Variants in RNF17 observed in about 807,000 individuals in gnomAD.
The protein encoded by RNF17 is spermatogenesis associated 23.
In RNF17, 31 loss-of-function variants were observed where a neutral mutation model predicts 200.5. The observed-to-expected ratio is 0.15, with a 90% confidence interval of 0.12 to 0.21. RNF17 has a LOEUF of 0.21. RNF17 is among the 10% of genes least tolerant of loss of function. RNF17 has a pLI of 1.00. For synonymous variants in RNF17, 606 were observed against 637.8 expected (o/e 0.95, Z 0.75); for missense variants, 1,628 against 1,905.1 (o/e 0.85, Z 2.71).
rs142986236 is a variant in RNF17 at position 24,779,568 on chromosome 13, C to G, written c.430-99C>G. ...TAGTGAGTCTATGTTGCTTTTGTAA[C>G]CAAAACGGTAGCCTGAATTTTTTGC... On this transcript the variant is annotated intron_variant, in intron 4 of 35. Transcript: ENST00000255324. 1.2e-3 allele frequency: 986 copies of G among 855,152 alleles called. 15 individuals are homozygous for G. The East Asian group carries it at 0.02, about 17-fold the overall frequency. The allele number at this position is 855,152 out of a possible 1,614,324, so 53.0% of individuals were successfully genotyped here.
intron 15 of RNF17, among the ~76,000 whole-genome samples, chr13:24,820,966 T>G (rs1887990321): frequency 6.6e-6 from 1 of 152,206 alleles, no homozygotes; most frequent in Admixed American, 6.5e-5. Context: ...ATTGGGCAGC[T>G]TAAACAACAG....
At chr13:24,885,280 C>G in the RNF17 span, 1 of 1,584,028 alleles carries the variant, frequency 6.3e-7, no homozygotes, top group Non-Finnish European at 8.7e-7. Flanking sequence ...TTTAACCTTT[C>G]CATCAGGATG....
At chr13:24,852,287 C>T (rs1394716635) in intron 24 of RNF17, among the ~76,000 whole-genome samples, 5 of 152,024 alleles carry the variant, frequency 3.3e-5, no homozygotes, top group Middle Eastern at 6.8e-3. Flanking sequence ...TACAGGTGGC[C>T]GCCACCTCGC....
At chr13:24,762,981 G>T (rs1395234049), upstream of RNF17, among the ~76,000 whole-genome samples, 1 of 152,126 alleles carries the variant, frequency 6.6e-6, no homozygotes, top group Non-Finnish European at 1.5e-5. Flanking sequence ...AGAAGTCACT[G>T]TGTCTTCCAT....
the RNF17 span, among the ~76,000 whole-genome samples, chr13:24,748,467 A>G: frequency 1.1e-3 from 165 of 152,350 alleles, no homozygotes; most frequent in Non-Finnish European, 2.0e-3. Context: ...GTTCAAGACA[A>G]AAACAACAAA....
In RNF17 at chr13:24,776,943, T is replaced by A. The variant is rs559522104; in HGVS notation, c.318-1352T>A. ...ATATATGTATAATGTCTGTTAGAGT[T>A]GCAAAGTGAAATTTTACTTTCAGAG... On this transcript the variant is annotated intron_variant, in intron 3 of 35. Transcript: ENST00000255324. Among the ~76,000 whole-genome samples the A allele has an allele frequency of 3.3e-5, 5 of 152,322 alleles. No individual in the cohort carries two copies. The East Asian group carries it at 9.6e-4, about 29-fold the overall frequency.
At chr13:24,817,159 GT>G (rs1399490920) in intron 15 of RNF17, among the ~76,000 whole-genome samples, 5 of 152,034 alleles carry the variant, frequency 3.3e-5, no homozygotes, top group Non-Finnish European at 7.4e-5. Flanking sequence ...CCATCTTTTT[GT>G]TTTTTGGAAG....
chr13:24,812,971 C>T lies in RNF17; in HGVS notation c.2091+8542C>T, dbSNP rs139375751. On this transcript the variant is annotated intron_variant, in intron 15 of 35. Coordinates refer to ENST00000255324, the MANE Select transcript of RNF17 (RefSeq NM_031277.3). Reference sequence around the variant, plus strand: ...TGCTGGGATTACAGGCGTGAGCCACCGCGCCCGGCCAATAGCATTCTTAAT... The same window carrying T: ...TGCTGGGATTACAGGCGTGAGCCACTGCGCCCGGCCAATAGCATTCTTAAT... Among the ~76,000 whole-genome samples, 8 of 152,078 alleles carry T rather than the reference C, an allele frequency of 5.3e-5. No individual in the cohort carries two copies. The South Asian group carries it at 1.2e-3, about 24-fold the overall frequency.
chr13:24,847,725 C>A (rs1891417068), intron 22 of RNF17, among the ~76,000 whole-genome samples: 1 of 152,042 alleles, frequency 6.6e-6, no homozygotes, highest in Non-Finnish European at 1.5e-5. Flanking sequence ...TGATAGGATA[C>A]CTTCTTCTTA....
chr13:24,885,486 T>C, the RNF17 span: 7 of 1,182,162 alleles, frequency 5.9e-6, no homozygotes, highest in Non-Finnish European at 7.6e-6. Flanking sequence ...AAATATAACA[T>C]TTATAATGTT....
chr13:24,810,871 G>T (rs1350111471), intron 15 of RNF17, among the ~76,000 whole-genome samples: 20 of 147,834 alleles, frequency 1.4e-4, no homozygotes, highest in Middle Eastern at 3.5e-3. Context: ...TGCTTGTCTG[G>T]AAAGTATTTT....
intron 17 of RNF17, 61 bp downstream of exon 17, chr13:24,830,660 A>G: frequency 8.8e-7 from 1 of 1,138,938 alleles, no homozygotes; most frequent in Non-Finnish European, 1.3e-6. Context: ...AAGTATTTTT[A>G]GAAGCTATTG....
chr13:24,877,748 G>A (rs916703981), intron 34 of RNF17, among the ~76,000 whole-genome samples: 15 of 152,170 alleles, frequency 9.9e-5, no homozygotes, highest in Non-Finnish European at 1.6e-4. Flanking sequence ...CTTGAATTAT[G>A]CTAATTGTAC....
intron 11 of RNF17, among the ~76,000 whole-genome samples, chr13:24,798,208 A>G (rs1162717048): frequency 6.6e-6 from 1 of 152,216 alleles, no homozygotes; most frequent in Non-Finnish European, 1.5e-5. Flanking sequence ...TGTGACCAGA[A>G]ATACACGTAG....
chr13:24,822,273 G>A (rs1344867923), intron 15 of RNF17, among the ~76,000 whole-genome samples: 3 of 152,100 alleles, frequency 2.0e-5, no homozygotes, highest in Admixed American at 6.6e-5. Flanking sequence ...CAGGATTGGC[G>A]CAACTGCCGG....
Position 24,796,284 on chromosome 13 carries a change from T to G in RNF17, c.1388T>G (p.Ile463Ser). The change falls in exon 11 of 36, where the codon ATT (isoleucine) becomes AGT (serine). Residue 463 changes from isoleucine (I) to serine (S), a missense_variant. Ile to Ser is a moderately radical substitution (Grantham distance 142, BLOSUM62 -2). Transcript: ENST00000255324. ...AGTTCACACCTTGATCCTTCAGACA[T>G]TTTGGAACTAGGTAATGAAATATTA... ...NRSSHLDPSD[I>S]LELGARIFVS... 1 of 1,594,056 alleles carries G rather than the reference T, an allele frequency of 6.3e-7. No individual in the cohort carries two copies. The highest frequency in any genetic ancestry group is 1.7e-4 in the Middle Eastern group (1 of 5,948).
chr13:24,766,267 T>C (rs758591799), intron 1 of RNF17, among the ~76,000 whole-genome samples: 5 of 152,266 alleles, frequency 3.3e-5, no homozygotes, highest in Admixed American at 6.5e-5. Context: ...GCAAGAACTC[T>C]ATAATTATTT....
At chr13:24,872,487 C>T (rs576258766) in intron 32 of RNF17, among the ~76,000 whole-genome samples, 14 of 151,194 alleles carry the variant, frequency 9.3e-5, no homozygotes, top group Non-Finnish European at 1.3e-4. Flanking sequence ...AAGTATATAC[C>T]GTACTAATTT....
intron 15 of RNF17, among the ~76,000 whole-genome samples, chr13:24,816,789 C>T (rs1887459871): frequency 6.6e-6 from 1 of 152,170 alleles, no homozygotes; most frequent in Non-Finnish European, 1.5e-5. Flanking sequence ...ACGAGGGCAT[C>T]TGCTAGTATA....
Sources: gnomAD v4.1 joint callset for allele counts (sites outside exome capture counted in the v4.1 genomes callset) on GRCh38, gnomAD v4.1.1 for gene constraint, MANE v1.5 for transcripts, NCBI Gene and HGNC (gene_info 2026-07-23, HGNC 2026-07-21) for gene names.